PPIH: variants seen among roughly 807,000 people sequenced by gnomAD.
The protein encoded by PPIH is peptidyl-prolyl cis-trans isomerase H.
PPIH carries 16 observed loss-of-function variants against 27.6 expected under a neutral mutation model. The ratio of observed to expected loss-of-function variants is 0.58; its 90% confidence interval spans 0.39 to 0.88. The LOEUF is 0.88. Among genes scored for constraint, PPIH ranks in the 40% least tolerant of loss-of-function variants. The pLI is 0.00. For synonymous variants in PPIH, 63 were observed against 76.1 expected, an observed-to-expected ratio of 0.83 and a Z score of 0.90; for missense variants, 155 against 224.1, an observed-to-expected ratio of 0.69 and a Z score of 1.97.
At chr1:42,676,288 T>C (rs1311044111) in intron 9 of PPIH, among the ~76,000 whole-genome samples, 1 of 151,980 alleles carries the variant, frequency 6.6e-6, no homozygotes, top group African/African-American at 2.4e-5. Context: ...GTCAATATGG[T>C]GAGACCCCAT....
chr1:42,659,346 T>G, intron 3 of PPIH, 95 bp downstream of exon 3: 1 of 1,614,184 alleles, frequency 6.2e-7, no homozygotes, highest in Non-Finnish European at 8.5e-7. Context: ...TGGCCTTGAA[T>G]GATTGCTGGT....
At chr1:42,671,653 G>C (rs936971518) in intron 9 of PPIH, among the ~76,000 whole-genome samples, 3 of 152,078 alleles carry the variant, frequency 2.0e-5, no homozygotes, top group South Asian at 2.1e-4. Flanking sequence ...AACTTTACTT[G>C]AATTATCGCA....
At chr1:42,668,713 T>G (rs1245499193) in intron 9 of PPIH, among the ~76,000 whole-genome samples, 1 of 152,180 alleles carries the variant, frequency 6.6e-6, no homozygotes, top group Non-Finnish European at 1.5e-5. Flanking sequence ...CTCTTGACAA[T>G]ACCCACCTGC....
downstream of PPIH, among the ~76,000 whole-genome samples, chr1:42,677,230 T>C (rs1246497502): frequency 6.6e-6 from 1 of 152,156 alleles, no homozygotes; most frequent in African/African-American, 2.4e-5. Flanking sequence ...TCCCAGCACT[T>C]GGGGAGGCCA....
At chr1:42,667,528 A>G (rs1649407883) in intron 9 of PPIH, 88 bp downstream of exon 9, 2 of 1,144,898 alleles carry the variant, frequency 1.7e-6, no homozygotes, top group Non-Finnish European at 2.5e-6. Flanking sequence ...TCTTGAAGAC[A>G]TGAGATTGAG....
At position 42,666,622 on chromosome 1, in the gene PPIH, A is replaced by G. The variant is rs72969214; in HGVS notation, c.465+35A>G. On this transcript the variant is annotated intron_variant, in intron 8 of 9. Transcript: ENST00000304979. ...GCTTTGATTTTTCTGTTTCTCTGCCATTGTGGTCTGGTACTGTCTGACTAG... is the reference window on the plus strand; with the variant it reads ...GCTTTGATTTTTCTGTTTCTCTGCCGTTGTGGTCTGGTACTGTCTGACTAG... The G allele has an allele frequency of 9.6e-4, 1,544 of 1,605,280 alleles. 15 individuals are homozygous for G. In the African/African-American group the frequency reaches 0.019, roughly 20 times the overall value.
intron 5 of PPIH, among the ~76,000 whole-genome samples, chr1:42,664,168 C>A (rs1038803033): frequency 6.6e-6 from 1 of 152,170 alleles, no homozygotes; most frequent in African/African-American, 2.4e-5. Context: ...GGAACTAGAA[C>A]CATAGAGAAC....
chr1:42,659,124 A>T, intron 2 of PPIH, 104 bp from the exon 3 acceptor site: 1 of 1,548,108 alleles, frequency 6.5e-7, no homozygotes, highest in Non-Finnish European at 8.8e-7. Context: ...TGGCTGGCCG[A>T]TTGGTGGACT....
chr1:42,660,933 C>T (rs1648977125), intron 5 of PPIH, 29 bp downstream of exon 5: 2 of 1,590,898 alleles, frequency 1.3e-6, no homozygotes, highest in South Asian at 1.1e-5. Context: ...CTATCAAAGA[C>T]CCGTAGTTTT....
downstream of PPIH, among the ~76,000 whole-genome samples, chr1:42,680,669 C>T (rs569660304): frequency 6.6e-6 from 1 of 152,232 alleles, no homozygotes; most frequent in South Asian, 2.1e-4. Flanking sequence ...TAGCCAACAG[C>T]ACTGCTCTAT....
intron 9 of PPIH, among the ~76,000 whole-genome samples, chr1:42,669,528 G>C (rs1037125245): frequency 6.6e-6 from 1 of 152,136 alleles, no homozygotes; most frequent in Non-Finnish European, 1.5e-5. Flanking sequence ...ACCTCAAGTG[G>C]TCTGCCCACC....
intron 6 of PPIH, among the ~76,000 whole-genome samples, 186 bp downstream of exon 6, chr1:42,665,141 C>T (rs749086996): frequency 2.0e-5 from 3 of 152,202 alleles, no homozygotes; most frequent in East Asian, 1.9e-4. Flanking sequence ...TGCTGGCTCA[C>T]GCCTGTAATC....
At chr1:42,662,667 GT>G (rs1649104884) in intron 5 of PPIH, among the ~76,000 whole-genome samples, 3 of 152,014 alleles carry the variant, frequency 2.0e-5, no homozygotes. Flanking sequence ...AAGAATATTT[GT>G]TTGTTCATTT....
At chr1:42,681,197 A>AT (rs1294129709), downstream of PPIH, 1 of 152,088 alleles carries the variant, frequency 6.6e-6, no homozygotes, top group Non-Finnish European at 1.5e-5. Context: ...CCCTCAGGAT[A>AT]TATTTCCAAT....
downstream of PPIH, among the ~76,000 whole-genome samples, chr1:42,678,305 A>T (rs1341765834): frequency 6.6e-6 from 1 of 152,176 alleles, no homozygotes; most frequent in African/African-American, 2.4e-5. Context: ...GCTAGGTAAG[A>T]TGTGGCTCAT....
chr1:42,681,597 G>A (rs759888521), downstream of PPIH: 4 of 152,154 alleles, frequency 2.6e-5, no homozygotes, highest in African/African-American at 4.8e-5. Context: ...GCTGTTGCAG[G>A]AATAAAGTGA....
At chr1:42,670,936 C>T (rs1204153027) in intron 9 of PPIH, among the ~76,000 whole-genome samples, 1 of 152,134 alleles carries the variant, frequency 6.6e-6, no homozygotes, top group Admixed American at 6.5e-5. Flanking sequence ...GCTGGGATTA[C>T]AGGCGCACGC....
downstream of PPIH, among the ~76,000 whole-genome samples, chr1:42,680,462 G>A (rs1458301983): frequency 6.6e-6 from 1 of 152,214 alleles, no homozygotes; most frequent in Non-Finnish European, 1.5e-5. Flanking sequence ...TACAAGAGAA[G>A]ACTCTAAGAC....
chr1:42,677,119 G>C (rs1289927733), downstream of PPIH, among the ~76,000 whole-genome samples: 1 of 151,600 alleles, frequency 6.6e-6, no homozygotes, highest in Non-Finnish European at 1.5e-5. Flanking sequence ...CCTTGAAAGA[G>C]TCAAATAAGA....
Sources: gnomAD v4.1 joint callset for allele counts (sites outside exome capture counted in the v4.1 genomes callset) on GRCh38, gnomAD v4.1.1 for gene constraint, MANE v1.5 for transcripts, NCBI Gene and HGNC (gene_info 2026-07-23, HGNC 2026-07-21) for gene names.